Variants in CCBE1 observed in about 807,000 individuals in gnomAD.
The protein encoded by CCBE1 is collagen and calcium binding EGF domains 1.
In CCBE1, 37 loss-of-function variants were observed where a neutral mutation model predicts 50.0. The ratio of observed to expected loss-of-function variants is 0.74; its 90% CI spans 0.57 to 0.97. CCBE1 has a LOEUF of 0.97. Ranked by LOEUF, CCBE1 falls within the 50% of genes least tolerant of loss-of-function variation. The pLI is 0.00. For synonymous variants in CCBE1, 234 were observed against 203.7 expected (o/e 1.15, Z -1.27); for missense variants, 538 against 523.8 (o/e 1.03, Z -0.26).
chr18:59,687,489 C>T (rs2054671768), intron 2 of CCBE1, among the ~76,000 whole-genome samples: 1 of 152,148 alleles, frequency 6.6e-6, no homozygotes, highest in Admixed American at 6.5e-5. Context: ...CTAACTTTTC[C>T]CTTCCTTTGC....
chr18:59,553,043 C>T (rs1915985303), intron 2 of CCBE1, among the ~76,000 whole-genome samples: 1 of 152,094 alleles, frequency 6.6e-6, no homozygotes, highest in Non-Finnish European at 1.5e-5. Context: ...AGGAGGATCT[C>T]CTCCTCCATG....
At chr18:59,449,877 C>T (rs1041933500) in intron 6 of CCBE1, among the ~76,000 whole-genome samples, 27 of 152,086 alleles carry the variant, frequency 1.8e-4, no homozygotes, top group African/African-American at 5.6e-4. Flanking sequence ...GAAAAAGTGA[C>T]GAGGTAAGGT....
chr18:59,644,807 C>T (rs890166888), intron 2 of CCBE1, among the ~76,000 whole-genome samples: 22 of 152,122 alleles, frequency 1.4e-4, no homozygotes, highest in African/African-American at 5.1e-4. Flanking sequence ...AAATCCTTGC[C>T]AATTCCTACA....
intron 6 of CCBE1, among the ~76,000 whole-genome samples, chr18:59,449,128 G>T (rs1910814367): frequency 6.6e-6 from 1 of 152,164 alleles, no homozygotes; most frequent in African/African-American, 2.4e-5. Flanking sequence ...TTGGGCCTTG[G>T]AATAAGGCAG....
chr18:59,546,120 A>G (rs1049086452), intron 2 of CCBE1, among the ~76,000 whole-genome samples: 5 of 152,226 alleles, frequency 3.3e-5, no homozygotes, highest in Non-Finnish European at 5.9e-5. Flanking sequence ...AACGTATGAC[A>G]TTCTTCTATA....
intron 2 of CCBE1, among the ~76,000 whole-genome samples, chr18:59,616,821 C>G (rs143650030): frequency 7.2e-5 from 11 of 152,180 alleles, no homozygotes; most frequent in African/African-American, 2.4e-4. Context: ...AATTTCAAAG[C>G]CTGTTCGGAC....
rs2053458420 is a variant in CCBE1, at chr18:59,603,516, C to T, written c.212+93113G>A. The stretch of plus-strand genomic sequence containing the variant: ...CTCCTCCAGGGAAGATACCTCCCTG[C>T]TTCAAGACCTTTCACATCCTGGGTC... On this transcript the variant is annotated intron_variant, in intron 2 of 10. Transcript: ENST00000439986. Among the ~76,000 whole-genome samples, 3 of 152,188 alleles carry T rather than the reference C, an allele frequency of 2.0e-5. No homozygotes were observed. The South Asian group carries it at 6.2e-4, about 32-fold the overall frequency.
rs182352729 is a variant in CCBE1, at chr18:59,625,228, G to A, written c.212+71401C>T. On this transcript the variant is annotated intron_variant, in intron 2 of 10. Coordinates refer to ENST00000439986, the MANE Select transcript of CCBE1 (RefSeq NM_133459.4). ...GGGTGGATCACAAGGTCAGGAGATC[G>A]CGACCATCGTGGCTAACACGGTGAA... 3.8e-4 allele frequency among the ~76,000 whole-genome samples: 58 copies of A among 152,180 alleles called. 1 individual carries two copies. The highest frequency in any genetic ancestry group is 1.2e-3 in the African/African-American group (49 of 41,524).
intron 2 of CCBE1, among the ~76,000 whole-genome samples, chr18:59,610,399 C>A (rs1321653698): frequency 6.8e-6 from 1 of 147,666 alleles, no homozygotes; most frequent in Non-Finnish European, 1.5e-5. Flanking sequence ...GGCTCTATGG[C>A]CCCTTACCCC....
chr18:59,634,998 C>T (rs144865343), intron 2 of CCBE1, among the ~76,000 whole-genome samples: 63 of 152,228 alleles, frequency 4.1e-4, no homozygotes, highest in African/African-American at 1.5e-3. Flanking sequence ...TGAGGGTTCT[C>T]CAGAATTGAT....
At chr18:59,689,427 C>T (rs970516769) in intron 2 of CCBE1, among the ~76,000 whole-genome samples, 1 of 152,210 alleles carries the variant, frequency 6.6e-6, no homozygotes, top group Admixed American at 6.5e-5. Flanking sequence ...ACATATTCAT[C>T]CAAGCTTTCA....
intron 2 of CCBE1, among the ~76,000 whole-genome samples, chr18:59,570,409 T>G (rs2052892777): frequency 6.6e-6 from 1 of 152,226 alleles, no homozygotes; most frequent in East Asian, 1.9e-4. Context: ...AAGCCAGTAC[T>G]TAAGATAGTC....
At chr18:59,522,851 G>C (rs9962846) in intron 2 of CCBE1, among the ~76,000 whole-genome samples, 2,333 of 151,984 alleles carry the variant, frequency 0.015, 53 homozygotes, top group African/African-American at 0.054. Flanking sequence ...AATTAGCCGG[G>C]CGTGGTGGCG....
intron 2 of CCBE1, among the ~76,000 whole-genome samples, chr18:59,632,800 G>T (rs1264565213): frequency 6.6e-6 from 1 of 151,478 alleles, no homozygotes; most frequent in Non-Finnish European, 1.5e-5. Context: ...ATAGAGACGG[G>T]GTTTCACCAT....
chr18:59,545,340 A>G (rs1915639471), intron 2 of CCBE1, among the ~76,000 whole-genome samples: 1 of 146,132 alleles, frequency 6.8e-6, no homozygotes, highest in Non-Finnish European at 1.5e-5. Flanking sequence ...CTCAGTATGC[A>G]CTCTCAACAC....
At chr18:59,500,046 G>C (rs1189065237) in intron 2 of CCBE1, among the ~76,000 whole-genome samples, 2 of 152,190 alleles carry the variant, frequency 1.3e-5, no homozygotes, top group Non-Finnish European at 2.9e-5. Context: ...ACAATGTAGG[G>C]CTTAGCTCTT....
At chr18:59,499,202 T>A (rs1913497172) in intron 2 of CCBE1, among the ~76,000 whole-genome samples, 1 of 152,184 alleles carries the variant, frequency 6.6e-6, no homozygotes, top group African/African-American at 2.4e-5. Context: ...GTGCATTGAC[T>A]GTAAAAAGGA....
intron 2 of CCBE1, among the ~76,000 whole-genome samples, chr18:59,544,393 T>A (rs932699047): frequency 6.6e-6 from 1 of 152,194 alleles, no homozygotes; most frequent in Non-Finnish European, 1.5e-5. Context: ...CATTATGAAA[T>A]AAAAACTCTG....
At chr18:59,508,801 C>G (rs9952310) in intron 2 of CCBE1, among the ~76,000 whole-genome samples, 1 of 147,732 alleles carries the variant, frequency 6.8e-6, no homozygotes, top group East Asian at 2.1e-4. Flanking sequence ...ACTGCAGCCT[C>G]GACCTCCTGG....
Sources: allele counts gnomAD v4.1 joint callset (sites outside exome capture counted in the v4.1 genomes callset), GRCh38; gene constraint gnomAD v4.1.1; transcripts MANE v1.5; gene names NCBI Gene and HGNC (gene_info 2026-07-23, HGNC 2026-07-21).